Variants in FTO observed in about 807,000 individuals in gnomAD.
FTO encodes the protein alpha-ketoglutarate-dependent dioxygenase FTO.
A neutral mutation model predicts 63.9 loss-of-function variants in FTO; 47 were observed. The ratio of observed to expected loss-of-function variants is 0.74; its 90% CI spans 0.58 to 0.94. FTO has a LOEUF of 0.94. Among genes scored for constraint, FTO ranks in the 40% least tolerant of loss-of-function variants. FTO has a pLI of 0.00. For missense variants in FTO, 562 were observed against 618.1 expected (o/e 0.91, Z 0.96); for synonymous variants, 207 against 224.4 (o/e 0.92, Z 0.69).
chr16:53,794,906 GA>G (rs1278657753), intron 1 of FTO, among the ~76,000 whole-genome samples: 1 of 151,944 alleles, frequency 6.6e-6, no homozygotes, highest in African/African-American at 2.4e-5. Flanking sequence ...CAAAATACTG[GA>G]AGAAAATAAA....
At chr16:53,886,379 G>A (rs1271501688) in intron 6 of FTO, among the ~76,000 whole-genome samples, 2 of 152,148 alleles carry the variant, frequency 1.3e-5, no homozygotes, top group African/African-American at 4.8e-5. Context: ...CTAACATAGG[G>A]CTTGATGTTT....
chr16:53,971,251 C>T (rs9932411), intron 8 of FTO, among the ~76,000 whole-genome samples: 76,960 of 152,030 alleles, frequency 0.51, 20,773 homozygotes, highest in East Asian at 0.77. Context: ...TTGCTTATAC[C>T]GCTTTCTCCT....
chr16:53,987,028 C>A (rs943636123), intron 8 of FTO, among the ~76,000 whole-genome samples: 18 of 151,950 alleles, frequency 1.2e-4, no homozygotes, highest in Non-Finnish European at 2.1e-4. Context: ...GCATGTAATA[C>A]CACGCAGATG....
chr16:54,001,263 A>G (rs1462378324), intron 8 of FTO, among the ~76,000 whole-genome samples: 2 of 152,158 alleles, frequency 1.3e-5, no homozygotes, highest in Non-Finnish European at 2.9e-5. Context: ...TGCAACCACA[A>G]TTTAAATAGT....
intron 1 of FTO, among the ~76,000 whole-genome samples, chr16:53,776,952 A>T (rs1387732374): frequency 6.6e-6 from 1 of 152,180 alleles, no homozygotes; most frequent in East Asian, 1.9e-4. Flanking sequence ...TTTTTAATTG[A>T]CAATAATTAT....
rs35814419 is a variant in FTO, at chr16:53,705,017, CTT to C, written c.45+800_45+801del. ...TCTACGTATATTGGGAATATGCCCA[CTT>C]TTTTTTTTTTTCATCTCCACTACCT... On this transcript the variant is annotated intron_variant, in intron 1 of 8. Coordinates refer to ENST00000471389, the MANE Select transcript of FTO (RefSeq NM_001080432.3). Among the ~76,000 whole-genome samples, 364 of 146,710 alleles carry C rather than the reference CTT, an allele frequency of 2.5e-3. 3 individuals carry two copies. The highest frequency in any genetic ancestry group is 3.7e-3 in the African/African-American group (148 of 39,794).
At chr16:54,007,287 C>G (rs1029195202) in intron 8 of FTO, among the ~76,000 whole-genome samples, 8 of 151,622 alleles carry the variant, frequency 5.3e-5, no homozygotes, top group Non-Finnish European at 7.4e-5. Context: ...GTACATGTAC[C>G]CTAAAACTTA....
chr16:54,033,498 T>C (rs2084875931), intron 8 of FTO, among the ~76,000 whole-genome samples: 1 of 152,156 alleles, frequency 6.6e-6, no homozygotes, highest in Non-Finnish European at 1.5e-5. Flanking sequence ...ATGCATACAG[T>C]TGTGTGGTAT....
chr16:54,011,598 T>C (rs1416856194), intron 8 of FTO, among the ~76,000 whole-genome samples: 1 of 152,186 alleles, frequency 6.6e-6, no homozygotes, highest in African/African-American at 2.4e-5. Context: ...CTGCATTGAG[T>C]AAGTCTACCA....
intron 1 of FTO, among the ~76,000 whole-genome samples, chr16:53,780,717 G>A (rs1368086469): frequency 1.3e-5 from 2 of 152,146 alleles, no homozygotes; most frequent in African/African-American, 4.8e-5. Context: ...GCAGTGCAGA[G>A]TGAGTTTCTG....
intron 1 of FTO, among the ~76,000 whole-genome samples, chr16:53,734,749 AC>A (rs1484217106): frequency 6.6e-6 from 1 of 152,142 alleles, no homozygotes. Flanking sequence ...TCGTCTTTTG[AC>A]TTGTAACCTA....
intron 8 of FTO, among the ~76,000 whole-genome samples, chr16:54,050,008 T>A (rs1036518694): frequency 7.2e-5 from 11 of 152,200 alleles, no homozygotes; most frequent in Non-Finnish European, 1.5e-4. Flanking sequence ...CCCGGCCCTT[T>A]TCACTTGACT....
At chr16:54,091,375 C>A (rs2086379965) in intron 8 of FTO, among the ~76,000 whole-genome samples, 1 of 152,074 alleles carries the variant, frequency 6.6e-6, no homozygotes, top group South Asian at 2.1e-4. Context: ...GGGACTCTGT[C>A]TCTACAAAAA....
intron 8 of FTO, chr16:53,999,694 T>G (rs1452287576): frequency 6.6e-6 from 1 of 152,206 alleles, no homozygotes; most frequent in African/African-American, 2.4e-5. Context: ...TGACCTTCAT[T>G]TTACCTCTAA....
At chr16:53,998,989 CA>C (rs1457033706) in intron 8 of FTO, among the ~76,000 whole-genome samples, 3 of 151,988 alleles carry the variant, frequency 2.0e-5, no homozygotes, top group East Asian at 3.9e-4. Context: ...CCTTTCCCTC[CA>C]AAAAAGGAAA....
chr16:53,977,580 T>C (rs1338372734), intron 8 of FTO, among the ~76,000 whole-genome samples: 1 of 152,172 alleles, frequency 6.6e-6, no homozygotes, highest in Non-Finnish European at 1.5e-5. Flanking sequence ...TTCCCTCAAA[T>C]CTTTGAAGTT....
Position 54,114,339 on chromosome 16 carries a change from T to C in FTO, c.*2424T>C, listed in dbSNP as rs1176002616. The stretch of plus-strand genomic sequence containing the variant: ...TGCTTGCACCCCTCTAGTCGAAATA[T>C]TTTGTGCTTACCCCAATATATGTGT... On this transcript the variant is annotated 3_prime_UTR_variant, in exon 9 of 9. Coordinates refer to ENST00000471389, the MANE Select transcript of FTO (RefSeq NM_001080432.3). 6.6e-6 allele frequency: 1 copy of C among 152,172 alleles called. No individual in the cohort carries two copies. Among genetic ancestry groups the C allele is most frequent in the Non-Finnish European group, 1.5e-5 (1 of 68,044 alleles). The allele number at this position is 152,172 out of a possible 1,614,324, so 9.4% of individuals were successfully genotyped here. A position where few individuals can be genotyped will look rare whatever the true frequency, so the allele number is the denominator to read the frequency against.
At chr16:53,927,582 A>G (rs1283670553) in intron 7 of FTO, among the ~76,000 whole-genome samples, 1 of 152,130 alleles carries the variant, frequency 6.6e-6, no homozygotes, top group Non-Finnish European at 1.5e-5. Context: ...ACCCAGAGAG[A>G]GAGCAAACCG....
In FTO at chr16:53,760,205, G is replaced by GGTGTGT. The variant is rs1173270081; in HGVS notation, c.46-49884_46-49879dup. ...TGTCTACCAGTTAGTCTTCAGCTTT[G>GGTGTGT]GTGTGTGTGTGTGTGTGTGTGTGTG... On this transcript the variant is annotated intron_variant, in intron 1 of 8. Transcript: ENST00000471389. Among the ~76,000 whole-genome samples the GGTGTGT allele has an allele frequency of 3.2e-3, 405 of 125,536 alleles. 1 individual carries two copies. Among genetic ancestry groups the GGTGTGT allele is most frequent in the Non-Finnish European group, 5.1e-3 (312 of 61,280 alleles). 82.4% of individuals were successfully genotyped at this position (125,536 alleles called of 152,430 possible).
Sources: allele counts gnomAD v4.1 joint callset (sites outside exome capture counted in the v4.1 genomes callset), GRCh38; gene constraint gnomAD v4.1.1; transcripts MANE v1.5; gene names NCBI Gene and HGNC (gene_info 2026-07-23, HGNC 2026-07-21).